Variants in C1orf105 observed in about 807,000 individuals in gnomAD.
C1orf105 encodes chromosome 1 open reading frame 105, also known as uncharacterized protein C1orf105.
A neutral mutation model predicts 20.8 loss-of-function variants in C1orf105; 17 were observed. That is an observed-to-expected ratio of 0.82 (90% confidence interval 0.56 to 1.23). The LOEUF is 1.23. Among genes scored for constraint, C1orf105 ranks in the 50% most tolerant of loss-of-function variants. The pLI, the probability that C1orf105 is intolerant of heterozygous loss-of-function variation, is 0.00. For synonymous variants in C1orf105, 72 were observed against 72.1 expected, an observed-to-expected ratio of 1.00 and a Z score of 0.01; for missense variants, 219 against 213.5, an observed-to-expected ratio of 1.03 and a Z score of -0.16.
chr1:172,456,329 C>T, intron 3 of C1orf105, 86 bp from the exon 4 acceptor site: 1 of 1,144,754 alleles, frequency 8.7e-7, no homozygotes, highest in Non-Finnish European at 1.3e-6. Context: ...TGTTACCTCT[C>T]TCACCCCTCC....
At chr1:172,444,398 C>T (rs1573859883) in intron 1 of C1orf105, 1 of 659,800 alleles carries the variant, frequency 1.5e-6, no homozygotes, top group African/African-American at 2.0e-5. Context: ...CCCGTGCATC[C>T]ATGCGTTCAT....
chr1:172,456,575 G>C, intron 4 of C1orf105, 86 bp downstream of exon 4: 1 of 1,343,324 alleles, frequency 7.4e-7, no homozygotes, highest in South Asian at 1.2e-5. Context: ...GGGAGAGATA[G>C]TGACGGGGCC....
At chr1:172,456,904 TA>T (rs1329883896) in intron 4 of C1orf105, among the ~76,000 whole-genome samples, 1 of 152,204 alleles carries the variant, frequency 6.6e-6, no homozygotes, top group African/African-American at 2.4e-5. Flanking sequence ...ACTGTTAATT[TA>T]GGTAGCACCT....
chr1:172,456,579 CG>C (rs1468197528), intron 4 of C1orf105, 90 bp downstream of exon 4: 2 of 1,294,378 alleles, frequency 1.5e-6, no homozygotes, highest in African/African-American at 1.5e-5. Context: ...GAGATAGTGA[CG>C]GGGCCCGTTG....
At chr1:172,443,546 A>G (rs1420535962) in intron 1 of C1orf105, 1 of 167,138 alleles carries the variant, frequency 6.0e-6, no homozygotes, top group African/African-American at 2.4e-5. Context: ...AGAGGATCGA[A>G]GAAGATAATC....
chr1:172,460,275 G>T lies in C1orf105; in HGVS notation c.274-1903G>T, dbSNP rs191703673. 5.6e-4 allele frequency among the ~76,000 whole-genome samples: 85 copies of T among 152,140 alleles called. 1 individual carries two copies. The highest frequency in any genetic ancestry group is 2.0e-3 in the African/African-American group (82 of 41,476). ...ATGAATCTCAAAAAAATGTAAATAG[G>T]ACCTGGTTATGTAACTACTCATATT... On this transcript the variant is annotated intron_variant, in intron 4 of 6. Transcript: ENST00000367727.
In C1orf105 at chr1:172,434,325, T is replaced by C. The variant is rs150911759; in HGVS notation, c.22-10748T>C. Among the ~76,000 whole-genome samples the C allele has an allele frequency of 2.7e-3, 409 of 152,354 alleles. 2 individuals are homozygous for C. The highest frequency in any genetic ancestry group is 9.1e-3 in the African/African-American group (377 of 41,578). On this transcript the variant is annotated intron_variant, in intron 1 of 6. Transcript: ENST00000367727. The stretch of plus-strand genomic sequence containing the variant: ...ATTCTTTTCAGCAGCACATCGCACT[T>C]ATTCTAATATTGACCACATAGTTGG...
At chr1:172,436,882 A>C (rs556194827) in intron 1 of C1orf105, among the ~76,000 whole-genome samples, 3 of 152,352 alleles carry the variant, frequency 2.0e-5, no homozygotes, top group African/African-American at 7.2e-5. Flanking sequence ...AAAGAACTTA[A>C]ACAAATTTAC....
chr1:172,448,557 A>C (rs1344939229), intron 3 of C1orf105, 26 bp downstream of exon 3: 1 of 1,332,790 alleles, frequency 7.5e-7, no homozygotes, highest in Middle Eastern at 1.8e-4. Flanking sequence ...TGTTGAAATG[A>C]AACCAACAGC....
At position 172,468,648 on chromosome 1, in the gene C1orf105, G is replaced by A; in HGVS notation, c.*54G>A. 2 of 1,549,478 alleles carry A rather than the reference G, an allele frequency of 1.3e-6. No homozygotes were observed. The highest frequency in any genetic ancestry group is 2.3e-5 in the East Asian group (1 of 43,940). ...CCCAGAGAGAAAATAACCTCGCCAA[G>A]CCAATCTTTGACACTGGCACCTTCT... is the stretch of plus-strand genomic sequence containing the variant. On this transcript the variant is annotated 3_prime_UTR_variant, in exon 7 of 7. Coordinates refer to ENST00000367727, the MANE Select transcript of C1orf105 (RefSeq NM_139240.4).
At chr1:172,438,161 C>A (rs1432641412) in intron 1 of C1orf105, among the ~76,000 whole-genome samples, 1 of 152,074 alleles carries the variant, frequency 6.6e-6, no homozygotes, top group Non-Finnish European at 1.5e-5. Flanking sequence ...TATTACTGTT[C>A]ATTTAAAATT....
chr1:172,430,511 A>G (rs2149160580), intron 1 of C1orf105, among the ~76,000 whole-genome samples: 1 of 152,086 alleles, frequency 6.6e-6, no homozygotes, highest in African/African-American at 2.4e-5. Flanking sequence ...TGTGAACACA[A>G]CTCACTGCAT....
At chr1:172,433,434 G>C (rs1029078483) in intron 1 of C1orf105, among the ~76,000 whole-genome samples, 13 of 152,328 alleles carry the variant, frequency 8.5e-5, no homozygotes, top group African/African-American at 3.1e-4. Context: ...CCAGAAGAGA[G>C]TGGGGGCCAA....
At chr1:172,466,598 AC>A (rs2149197059) in intron 6 of C1orf105, among the ~76,000 whole-genome samples, 1 of 151,466 alleles carries the variant, frequency 6.6e-6, no homozygotes, top group Non-Finnish European at 1.5e-5. Flanking sequence ...ACACACACAC[AC>A]ACACACACAC....
intron 1 of C1orf105, among the ~76,000 whole-genome samples, chr1:172,425,624 C>T (rs541558201): frequency 6.6e-6 from 1 of 152,244 alleles, no homozygotes; most frequent in African/African-American, 2.4e-5. Context: ...CTCACCTAAG[C>T]TCTGATCACT....
chr1:172,465,548 C>T (rs1246408524), intron 6 of C1orf105, 185 bp downstream of exon 6: 5 of 681,718 alleles, frequency 7.3e-6, no homozygotes, highest in Non-Finnish European at 1.1e-5. Flanking sequence ...TTCACTCCAG[C>T]ACCACCTGTG....
chr1:172,465,427 A>C (rs1649976685), intron 6 of C1orf105, 64 bp downstream of exon 6: 20 of 1,119,198 alleles, frequency 1.8e-5, no homozygotes, highest in Non-Finnish European at 2.7e-5. Context: ...ATAGAATGAC[A>C]GTCTAATCCC....
intron 3 of C1orf105, among the ~76,000 whole-genome samples, chr1:172,449,934 G>A (rs1648427275): frequency 6.6e-6 from 1 of 152,166 alleles, no homozygotes; most frequent in Admixed American, 6.5e-5. Flanking sequence ...TTTGTTCTGG[G>A]TCTCTGTACT....
chr1:172,445,064 T>G lies in C1orf105; in HGVS notation c.22-9T>G, dbSNP rs1447678276. 1 of 1,605,960 alleles carries G rather than the reference T, an allele frequency of 6.2e-7. No homozygotes were observed. The highest frequency in any genetic ancestry group is 1.7e-5 in the Admixed American group (1 of 59,254). On this transcript the variant is annotated splice_polypyrimidine_tract_variant and intron_variant, in intron 1 of 6. Coordinates refer to ENST00000367727, the MANE Select transcript of C1orf105 (RefSeq NM_139240.4). Reference sequence around the variant, plus strand: ...TATATTCTGTAAAATGTTCTCTATTTCCCTCTAGGCTTCTGTTCCAAAATT... The same window carrying G: ...TATATTCTGTAAAATGTTCTCTATTGCCCTCTAGGCTTCTGTTCCAAAATT...
Sources: allele counts gnomAD v4.1 joint callset (sites outside exome capture counted in the v4.1 genomes callset), GRCh38; gene constraint gnomAD v4.1.1; transcripts MANE v1.5; gene names NCBI Gene and HGNC (gene_info 2026-07-23, HGNC 2026-07-21).